The following ASCC3 variants were observed in gnomAD, a reference collection of about 807,000 sequenced individuals.
ASCC3 encodes the protein ASC-1 complex subunit P200.
Under a neutral mutation model 256.3 loss-of-function variants are expected in ASCC3, and 158 were observed. The observed-to-expected ratio is 0.62, with a 90% CI of 0.54 to 0.70. The LOEUF (loss-of-function observed/expected upper bound fraction) is 0.70. Among genes scored for constraint, ASCC3 ranks in the 30% least tolerant of loss-of-function variants. The probability of loss-of-function intolerance (pLI) is 0.00; values close to 1 mark genes in which losing one functional copy is unlikely to be tolerated. For missense variants in ASCC3, 2,259 were observed against 2,626.0 expected, an observed-to-expected ratio of 0.86 and a Z score of 3.05; for synonymous variants, 948 against 883.4, an observed-to-expected ratio of 1.07 and a Z score of -1.30.
At chr6:100,676,010 C>T (rs1229942880) in intron 14 of ASCC3, among the ~76,000 whole-genome samples, 1 of 152,064 alleles carries the variant, frequency 6.6e-6, no homozygotes, top group East Asian at 1.9e-4. Flanking sequence ...TAATTATATA[C>T]TTAATTTTAT....
chr6:100,638,528 T>C (rs1774956790), intron 25 of ASCC3, 73 bp downstream of exon 25: 4 of 1,291,044 alleles, frequency 3.1e-6, no homozygotes, highest in Non-Finnish European at 4.4e-6. Context: ...TGCCAATATA[T>C]TTAGAACTGT....
At chr6:100,747,817 A>G (rs1409371290) in intron 10 of ASCC3, among the ~76,000 whole-genome samples, 1 of 152,018 alleles carries the variant, frequency 6.6e-6, no homozygotes, top group Non-Finnish European at 1.5e-5. Flanking sequence ...GTATTTTTAA[A>G]ATGTATATTT....
intron 36 of ASCC3, among the ~76,000 whole-genome samples, chr6:100,549,279 T>C (rs1381882707): frequency 2.0e-5 from 3 of 152,014 alleles, no homozygotes; most frequent in Non-Finnish European, 4.4e-5. Flanking sequence ...TTTAACTGAA[T>C]TGATAAATAT....
In ASCC3 at chr6:100,628,078, C is replaced by CAA. The variant is rs1433270711; in HGVS notation, c.4376-93_4376-92dup. 73 of 1,067,932 alleles carry CAA rather than the reference C, an allele frequency of 6.8e-5. 2 individuals are homozygous for CAA. Among genetic ancestry groups the CAA allele is most frequent in the Middle Eastern group, 4.4e-4 (2 of 4,596 alleles). The allele number at this position is 1,067,932 out of a possible 1,614,324, so 66.2% of individuals were successfully genotyped here. On this transcript the variant is annotated intron_variant, in intron 27 of 41. Transcript: ENST00000369162. ...CAAAAGGAAGAGTTTGTAGCTTCCT[C>CAA]AAAAAACAAAAACAAAAAAAAAAAC...
chr6:100,642,521 ATTAAT>A lies in ASCC3; in HGVS notation c.3901+55_3901+59del. 3.2e-6 allele frequency: 5 copies of A among 1,565,440 alleles called. No individual in the cohort carries two copies. In the South Asian group the frequency reaches 4.4e-5, roughly 14 times the overall value. On this transcript the variant is annotated intron_variant, in intron 24 of 41. Coordinates refer to ENST00000369162, the MANE Select transcript of ASCC3 (RefSeq NM_006828.4). Reference sequence around the variant, plus strand: ...TATTACGGTGTAGACATTTTTCAACATTAATTAAAACAACCATTTTGGAAAAATCA... The same window carrying A: ...TATTACGGTGTAGACATTTTTCAACATAAAACAACCATTTTGGAAAAATCA...
intron 36 of ASCC3, among the ~76,000 whole-genome samples, chr6:100,566,372 A>G (rs1770250490): frequency 1.3e-5 from 2 of 152,154 alleles, no homozygotes; most frequent in South Asian, 4.1e-4. Context: ...ATTCGAACCC[A>G]TGTTTCTGAA....
At chr6:100,726,829 A>T (rs1427697282) in intron 10 of ASCC3, among the ~76,000 whole-genome samples, 1 of 151,994 alleles carries the variant, frequency 6.6e-6, no homozygotes, top group African/African-American at 2.4e-5. Context: ...TTAACTGTCA[A>T]TACTTTTACT....
At chr6:100,663,221 T>C (rs1276568010) in intron 14 of ASCC3, among the ~76,000 whole-genome samples, 2 of 152,212 alleles carry the variant, frequency 1.3e-5, no homozygotes, top group South Asian at 2.1e-4. Flanking sequence ...TAGATGTGCA[T>C]TGAGTATAGA....
At chr6:100,693,432 T>C (rs1777929947) in intron 13 of ASCC3, among the ~76,000 whole-genome samples, 1 of 152,000 alleles carries the variant, frequency 6.6e-6, no homozygotes, top group South Asian at 2.1e-4. Flanking sequence ...TGGGGCAGCA[T>C]TTTCAGTTAC....
rs1047290248 is a variant in ASCC3 at position 100,530,262 on chromosome 6, T to C, written c.5775+9901A>G. 7 of 1,117,010 alleles carry C rather than the reference T, an allele frequency of 6.3e-6. No homozygotes were observed. The Admixed American group carries it at 1.0e-4, about 16-fold the overall frequency. 69.2% of individuals were successfully genotyped at this position (1,117,010 alleles called of 1,614,324 possible). A position where few individuals can be genotyped will look rare whatever the true frequency, so the allele number is the denominator to read the frequency against. Reference sequence around the variant, plus strand: ...GAGCCACAGGAGGAGGGGAGAGGCCTGGAGGACACCAACATGAACAAGTTG... The same window carrying C: ...GAGCCACAGGAGGAGGGGAGAGGCCCGGAGGACACCAACATGAACAAGTTG... On this transcript the variant is annotated intron_variant, in intron 37 of 41. Coordinates refer to ENST00000369162, the MANE Select transcript of ASCC3 (RefSeq NM_006828.4).
intron 8 of ASCC3, among the ~76,000 whole-genome samples, chr6:100,778,191 CTG>C (rs1353365763): frequency 7.9e-5 from 12 of 151,734 alleles, no homozygotes; most frequent in Admixed American, 6.6e-4. Flanking sequence ...AGATGACAGA[CTG>C]AGAGAGAAAA....
At chr6:100,672,249 T>C (rs1183408328) in intron 14 of ASCC3, among the ~76,000 whole-genome samples, 1 of 152,100 alleles carries the variant, frequency 6.6e-6, no homozygotes, top group African/African-American at 2.4e-5. Context: ...TTCCAGAATA[T>C]AAGCTCCATA....
At chr6:100,735,863 T>C (rs548245239) in intron 10 of ASCC3, among the ~76,000 whole-genome samples, 2 of 152,254 alleles carry the variant, frequency 1.3e-5, no homozygotes, top group South Asian at 2.1e-4. Context: ...CTTCAGCCCC[T>C]GAGCTTACAT....
intron 37 of ASCC3, among the ~76,000 whole-genome samples, chr6:100,535,312 G>A (rs1161794045): frequency 2.0e-5 from 3 of 152,052 alleles, no homozygotes; most frequent in African/African-American, 7.2e-5. Context: ...GAAAACAACA[G>A]GGCACAGAAT....
chr6:100,723,860 T>TTATATATATATATATATATA (rs58924032), intron 11 of ASCC3, among the ~76,000 whole-genome samples: 1 of 110,246 alleles, frequency 9.1e-6, no homozygotes. Context: ...TATTAGGGAA[T>TTATATATATATATATATATA]TATATATATA....
At chr6:100,768,901 C>G (rs192999328) in intron 8 of ASCC3, among the ~76,000 whole-genome samples, 2 of 152,100 alleles carry the variant, frequency 1.3e-5, no homozygotes, top group Admixed American at 1.3e-4. Flanking sequence ...TATCAGGTAC[C>G]CTTATTAGAA....
intron 3 of ASCC3, 76 bp downstream of exon 3, chr6:100,863,988 T>A (rs1773353201): frequency 1.6e-6 from 2 of 1,247,576 alleles, no homozygotes; most frequent in African/African-American, 3.1e-5. Flanking sequence ...TTACATAGTA[T>A]GTTGTTTACA....
chr6:100,799,316 A>G, intron 7 of ASCC3, 115 bp downstream of exon 7: 1 of 1,191,832 alleles, frequency 8.4e-7, no homozygotes, highest in Non-Finnish European at 1.2e-6. Flanking sequence ...ATACTTTAAA[A>G]TAAAATTTAG....
chr6:100,665,607 G>T (rs910228351), intron 14 of ASCC3, among the ~76,000 whole-genome samples: 1 of 151,896 alleles, frequency 6.6e-6, no homozygotes, highest in East Asian at 1.9e-4. Flanking sequence ...GGGCATGGTG[G>T]CATGTGCCTG....
Sources: gnomAD v4.1 joint callset for allele counts (sites outside exome capture counted in the v4.1 genomes callset) on GRCh38, gnomAD v4.1.1 for gene constraint, MANE v1.5 for transcripts, NCBI Gene and HGNC (gene_info 2026-07-23, HGNC 2026-07-21) for gene names.